STOX1: variants seen among roughly 807,000 people sequenced by gnomAD.
The protein encoded by STOX1 is storkhead-box protein 1.
In STOX1, 57 loss-of-function variants were observed where a neutral mutation model predicts 74.8. The observed-to-expected ratio is 0.76, with a 90% CI of 0.62 to 0.95. The LOEUF (loss-of-function observed/expected upper bound fraction) is 0.95, where lower values mean the gene tolerates loss of function less well. Ranked by LOEUF, STOX1 falls within the 40% of genes least tolerant of loss-of-function variation. The pLI, the probability that STOX1 is intolerant of heterozygous loss-of-function variation, is 0.00. For missense variants in STOX1, 1,010 were observed against 1,117.0 expected, an observed-to-expected ratio of 0.90 and a Z score of 1.37; for synonymous variants, 375 against 401.3, an observed-to-expected ratio of 0.93 and a Z score of 0.78.
At chr10:68,833,370 A>C (rs2133487028) in intron 1 of STOX1, among the ~76,000 whole-genome samples, 1 of 152,258 alleles carries the variant, frequency 6.6e-6, no homozygotes, top group Middle Eastern at 3.4e-3. Context: ...GTAGCAGGAC[A>C]AGCCGTAGAC....
At chr10:68,877,569 G>C (rs10823264) in intron 1 of STOX1, among the ~76,000 whole-genome samples, 97,002 of 152,114 alleles carry the variant, frequency 0.64, 31,229 homozygotes, top group East Asian at 0.9. Context: ...TATGAAAAGA[G>C]GAAACAAACC....
intron 1 of STOX1, among the ~76,000 whole-genome samples, chr10:68,843,604 G>A (rs55746511): frequency 0.11 from 16,518 of 151,870 alleles, 1,132 homozygotes; most frequent in South Asian, 0.19. Context: ...GCAATGGAGC[G>A]ACCTCGGCTC....
chr10:68,888,353 C>T (rs1389011778), intron 3 of STOX1, among the ~76,000 whole-genome samples: 3 of 152,082 alleles, frequency 2.0e-5, no homozygotes, highest in African/African-American at 2.4e-5. Flanking sequence ...CTGCCCGCCT[C>T]GGCCTCCCAA....
intron 1 of STOX1, among the ~76,000 whole-genome samples, chr10:68,868,809 G>A (rs1840468022): frequency 6.6e-6 from 1 of 152,216 alleles, no homozygotes; most frequent in Non-Finnish European, 1.5e-5. Context: ...CTTAATTTGG[G>A]AAGAAAAGTT....
chr10:68,854,642 C>T (rs987964391), intron 1 of STOX1, among the ~76,000 whole-genome samples: 20 of 152,174 alleles, frequency 1.3e-4, no homozygotes, highest in Admixed American at 1.2e-3. Context: ...GTATGCTGCC[C>T]ACAGAGTGCA....
At chr10:68,868,682 CA>C (rs1046595078) in intron 1 of STOX1, among the ~76,000 whole-genome samples, 1 of 151,954 alleles carries the variant, frequency 6.6e-6, no homozygotes, top group Non-Finnish European at 1.5e-5. Context: ...AACTCCATCT[CA>C]AAAAAAGAAA....
rs1840934305 is a variant in STOX1, at chr10:68,885,766, G to C, written c.1970G>C (p.Arg657Thr). The C allele has an allele frequency of 6.2e-7, 1 of 1,614,014 alleles. No individual in the cohort carries two copies. Among genetic ancestry groups the C allele is most frequent in the Admixed American group, 1.7e-5 (1 of 60,006 alleles). ...SFSDRTPSAC[R>T]LVDNTIHQFQ... ...TCAGACCGAACACCCTCTGCTTGTA[G>C]ATTAGTGGATAACACAATACACCAG... The change falls in exon 3 of 4, where the codon AGA (arginine) becomes ACA (threonine). Residue 657 changes from arginine (R) to threonine (T), a missense_variant. Transcript: ENST00000298596.
At chr10:68,892,327 T>C (rs1435694562) in intron 3 of STOX1, among the ~76,000 whole-genome samples, 2 of 152,022 alleles carry the variant, frequency 1.3e-5, no homozygotes, top group Non-Finnish European at 2.9e-5. Flanking sequence ...GACTAGAACA[T>C]ACTTGATACT....
chr10:68,833,845 C>T (rs1839474630), intron 1 of STOX1, among the ~76,000 whole-genome samples: 1 of 152,190 alleles, frequency 6.6e-6, no homozygotes, highest in Admixed American at 6.5e-5. Flanking sequence ...CTGGCGTGAG[C>T]CATTGCACCC....
intron 1 of STOX1, among the ~76,000 whole-genome samples, chr10:68,841,996 C>A (rs1839702301): frequency 6.7e-6 from 1 of 149,442 alleles, no homozygotes. Context: ...ACGTCCCGCA[C>A]CCAGGGAGGT....
chr10:68,828,738 G>T (rs1839331055), intron 1 of STOX1, among the ~76,000 whole-genome samples: 1 of 152,078 alleles, frequency 6.6e-6, no homozygotes, highest in African/African-American at 2.4e-5. Flanking sequence ...ACGGCATTCT[G>T]GTTTTCATGT....
At chr10:68,874,036 T>TTTTTG (rs71028798) in intron 1 of STOX1, among the ~76,000 whole-genome samples, 1 of 139,054 alleles carries the variant, frequency 7.2e-6, no homozygotes, top group Non-Finnish European at 1.5e-5. Flanking sequence ...TTTTTTTTTT[T>TTTTTG]GCTTAAATCC....
chr10:68,835,735 A>G (rs1333149141), intron 1 of STOX1, among the ~76,000 whole-genome samples: 1 of 152,220 alleles, frequency 6.6e-6, no homozygotes, highest in Non-Finnish European at 1.5e-5. Flanking sequence ...GCTTATGCGC[A>G]TTCCTACTGA....
Position 68,882,126 on chromosome 10 carries a change from T to G in STOX1, c.463+16T>G. The G allele has an allele frequency of 1.2e-6, 2 of 1,612,332 alleles. No individual in the cohort carries two copies. Among genetic ancestry groups the G allele is most frequent in the Non-Finnish European group, 1.7e-6 (2 of 1,178,502 alleles). On this transcript the variant is annotated intron_variant, in intron 2 of 3. Transcript: ENST00000298596. ...CATTACCCAGGTAGAGTAATAAATT[T>G]TTGTCTATTTGTACTTCACTGTATG...
intron 3 of STOX1, among the ~76,000 whole-genome samples, chr10:68,891,279 C>G (rs1841090287): frequency 6.6e-6 from 1 of 152,200 alleles, no homozygotes; most frequent in African/African-American, 2.4e-5. Context: ...TAGAGATGAA[C>G]AAGACATTGT....
In STOX1 at chr10:68,861,168, T is replaced by C. The variant is rs1031918173; in HGVS notation, c.311-20790T>C. On this transcript the variant is annotated intron_variant, in intron 1 of 3. Transcript: ENST00000298596. ...TAAAGACACAGACACAGAAGTAGAG[T>C]GCAAAGTGGTATTGGGGGGCTAACA... Among the ~76,000 whole-genome samples, 103 of 151,790 alleles carry C rather than the reference T, an allele frequency of 6.8e-4. 1 individual carries two copies. Among genetic ancestry groups the C allele is most frequent in the Non-Finnish European group, 3.2e-4 (22 of 67,974 alleles).
At chr10:68,831,870 C>T (rs1326402449) in intron 1 of STOX1, among the ~76,000 whole-genome samples, 1 of 151,878 alleles carries the variant, frequency 6.6e-6, no homozygotes, top group African/African-American at 2.4e-5. Flanking sequence ...GCTTGATTAA[C>T]AAGGGGCTAA....
chr10:68,847,307 T>G (rs1405050582), intron 1 of STOX1, among the ~76,000 whole-genome samples: 1 of 152,170 alleles, frequency 6.6e-6, no homozygotes. Context: ...AGTATAAGTT[T>G]AAAGAGCATC....
At chr10:68,856,459 G>A (rs1330041147) in intron 1 of STOX1, among the ~76,000 whole-genome samples, 1 of 152,042 alleles carries the variant, frequency 6.6e-6, no homozygotes, top group Non-Finnish European at 1.5e-5. Flanking sequence ...AGAGGTTTCT[G>A]TCTGCATTCC....
Sources: gnomAD v4.1 joint callset for allele counts (sites outside exome capture counted in the v4.1 genomes callset) on GRCh38, gnomAD v4.1.1 for gene constraint, MANE v1.5 for transcripts, NCBI Gene and HGNC (gene_info 2026-07-23, HGNC 2026-07-21) for gene names.